PARD3B: variants seen among roughly 807,000 people sequenced by gnomAD.
The protein encoded by PARD3B is par-3 family cell polarity regulator beta, also known as partitioning defective 3 homolog B.
In PARD3B, 103 loss-of-function variants were observed where a neutral mutation model predicts 130.2. That is an observed-to-expected ratio of 0.79 (90% confidence interval 0.67 to 0.93). PARD3B has a LOEUF of 0.93. Among genes scored for constraint, PARD3B ranks in the 40% least tolerant of loss-of-function variants. PARD3B has a pLI of 0.00. For missense variants in PARD3B, 1,609 were observed against 1,499.2 expected (o/e 1.07, Z -1.21); for synonymous variants, 583 against 553.2 (o/e 1.05, Z -0.76).
intron 2 of PARD3B, among the ~76,000 whole-genome samples, chr2:204,946,143 A>G (rs1689304801): frequency 6.6e-6 from 1 of 152,160 alleles, no homozygotes; most frequent in African/African-American, 2.4e-5. Flanking sequence ...TACAATATTT[A>G]TATTGACTTG....
At chr2:205,112,439 C>T (rs1703710465) in intron 5 of PARD3B, among the ~76,000 whole-genome samples, 1 of 152,068 alleles carries the variant, frequency 6.6e-6, no homozygotes, top group Non-Finnish European at 1.5e-5. Flanking sequence ...AACTTTCCAG[C>T]AAGAAGTCAA....
At chr2:204,998,387 T>C (rs1403714311) in intron 3 of PARD3B, among the ~76,000 whole-genome samples, 3 of 81,180 alleles carry the variant, frequency 3.7e-5, no homozygotes, top group Admixed American at 3.6e-4. Flanking sequence ...TATATGTGTG[T>C]GTATATATGT....
chr2:205,203,979 G>T (rs11900263), intron 15 of PARD3B, among the ~76,000 whole-genome samples: 33,021 of 152,112 alleles, frequency 0.22, 3,828 homozygotes, highest in African/African-American at 0.3. Flanking sequence ...GTAATGGGAT[G>T]GCTGGGTCAA....
In PARD3B at chr2:205,589,124, C is replaced by CA. The variant is rs2054296351; in HGVS notation, c.3261-26326dup. On this transcript the variant is annotated intron_variant, in intron 22 of 22. Coordinates refer to ENST00000406610, the MANE Select transcript of PARD3B (RefSeq NM_001302769.2). The surrounding 1 kb of genome is among the most constrained non-coding windows in gnomAD (Gnocchi z 4.1). ...GTAACATGGCAAAACCCCATTTCTA[C>CA]AAAAAATACAGATATTAACTGAGCA... 1.3e-5 allele frequency among the ~76,000 whole-genome samples: 2 copies of CA among 152,130 alleles called. No homozygotes were observed. Among genetic ancestry groups the CA allele is most frequent in the Non-Finnish European group, 1.5e-5 (1 of 68,018 alleles).
chr2:205,022,529 A>G (rs1382515986), intron 3 of PARD3B, among the ~76,000 whole-genome samples: 1 of 152,156 alleles, frequency 6.6e-6, no homozygotes, highest in African/African-American at 2.4e-5. Flanking sequence ...CTGTTTAGCA[A>G]ATAATTTGTC....
In PARD3B at chr2:205,553,343, A is replaced by G; in HGVS notation, c.3200A>G (p.Asp1067Gly). ...CCACAGGTGCCTGGAAGGGGTCCAGATGGGAATGCACACAACCTCCGCTTT... is the reference window on the plus strand; with the variant it reads ...CCACAGGTGCCTGGAAGGGGTCCAGGTGGGAATGCACACAACCTCCGCTTT... ...DLLWVPGRGP[D>G]GNAHNLRFEG... The change falls in exon 22 of 23, where the codon GAT (aspartate) becomes GGT (glycine). Residue 1067 changes from aspartate to glycine, a missense_variant. Transcript: ENST00000406610. 6.2e-7 allele frequency: 1 copy of G among 1,614,032 alleles called. No individual in the cohort carries two copies. Among genetic ancestry groups the G allele is most frequent in the African/African-American group, 1.3e-5 (1 of 75,048 alleles).
chr2:205,428,361 C>T (rs2047216522), intron 19 of PARD3B, among the ~76,000 whole-genome samples: 1 of 152,078 alleles, frequency 6.6e-6, no homozygotes, highest in African/African-American at 2.4e-5. Context: ...GCCTGGGCAA[C>T]AGAACCAGAC....
chr2:204,970,922 G>A (rs1691646889), intron 3 of PARD3B, among the ~76,000 whole-genome samples: 1 of 152,106 alleles, frequency 6.6e-6, no homozygotes, highest in Non-Finnish European at 1.5e-5. Context: ...AAGCTGAAAG[G>A]TGCCTCAGAT....
intron 21 of PARD3B, among the ~76,000 whole-genome samples, chr2:205,523,217 GTGTGTGTGTATA>G (rs941270260): frequency 6.8e-5 from 4 of 58,542 alleles, no homozygotes; most frequent in Non-Finnish European, 1.1e-4. Context: ...ATATGTGTGT[GTGTGTGTGTATA>G]TATATATATA....
rs1575385734 is a variant in PARD3B, at chr2:205,568,415, T to C, written c.3260+15012T>C. On this transcript the variant is annotated intron_variant, in intron 22 of 22. Transcript: ENST00000406610. This position sits in a 1 kb window ranked among gnomAD's most constrained non-coding sequence, Gnocchi z 5.3. ...AGTTTCTCTTTGTTTCACTCAAATA[T>C]GCAATACATCAAAATGATGTAAGGT... Among the ~76,000 whole-genome samples the C allele has an allele frequency of 6.6e-6, 1 of 152,212 alleles. No homozygotes were observed. The highest frequency in any genetic ancestry group is 1.9e-4 in the East Asian group (1 of 5,200).
intron 2 of PARD3B, among the ~76,000 whole-genome samples, chr2:204,716,585 GT>G (rs2038737390): frequency 7.3e-6 from 1 of 136,916 alleles, no homozygotes; most frequent in African/African-American, 2.8e-5. Flanking sequence ...AGCAGTTGCT[GT>G]TTTTGCTATT....
rs2035249183 is a variant in PARD3B at position 205,172,798 on chromosome 2, A to G, written c.1791+417A>G. Reference sequence around the variant, plus strand: ...CATAATCTGCATATAAATAATGCAGACCTGAGACTTAACTAATTTAACATT... The same window carrying G: ...CATAATCTGCATATAAATAATGCAGGCCTGAGACTTAACTAATTTAACATT... On this transcript the variant is annotated intron_variant, in intron 12 of 22. Transcript: ENST00000406610. 2.0e-5 allele frequency among the ~76,000 whole-genome samples: 3 copies of G among 152,322 alleles called. No homozygotes were observed. The South Asian group carries it at 6.2e-4, about 32-fold the overall frequency.
At chr2:205,438,980 A>C (rs1169361976) in intron 19 of PARD3B, among the ~76,000 whole-genome samples, 1 of 152,086 alleles carries the variant, frequency 6.6e-6, no homozygotes, top group African/African-American at 2.4e-5. Flanking sequence ...TTTGCTTCCC[A>C]ATTGAAATTG....
At chr2:205,374,557 TC>T (rs1481947180) in intron 18 of PARD3B, among the ~76,000 whole-genome samples, 2 of 152,176 alleles carry the variant, frequency 1.3e-5, no homozygotes, top group Non-Finnish European at 2.9e-5. Flanking sequence ...TTTATATATT[TC>T]TTTCAGTCTT....
At chr2:205,488,778 G>T (rs878937251) in intron 20 of PARD3B, among the ~76,000 whole-genome samples, 1 of 152,108 alleles carries the variant, frequency 6.6e-6, no homozygotes, top group African/African-American at 2.4e-5. Flanking sequence ...ACATATGTTC[G>T]TTAAATGGAA....
At chr2:204,789,266 G>A (rs1343564064) in intron 2 of PARD3B, among the ~76,000 whole-genome samples, 2 of 152,026 alleles carry the variant, frequency 1.3e-5, no homozygotes, top group African/African-American at 4.8e-5. Flanking sequence ...GTCTCATTTG[G>A]TCTCGAAATC....
chr2:205,088,651 A>G (rs1701890970), intron 4 of PARD3B, among the ~76,000 whole-genome samples: 1 of 152,156 alleles, frequency 6.6e-6, no homozygotes, highest in Non-Finnish European at 1.5e-5. Context: ...TAATGAAGAG[A>G]GTTACTGACT....
intron 3 of PARD3B, among the ~76,000 whole-genome samples, chr2:204,981,060 G>T (rs1029931663): frequency 4.6e-5 from 7 of 152,012 alleles, no homozygotes; most frequent in East Asian, 1.9e-4. Flanking sequence ...TTAATACAAG[G>T]CCACTATAAA....
rs2053211416 is a variant in PARD3B, at chr2:205,563,506, G to A, written c.3260+10103G>A. Among the ~76,000 whole-genome samples, 1 of 152,086 alleles carries A rather than the reference G, an allele frequency of 6.6e-6. No individual in the cohort carries two copies. The highest frequency in any genetic ancestry group is 2.4e-5 in the African/African-American group (1 of 41,416). On this transcript the variant is annotated intron_variant, in intron 22 of 22. Coordinates refer to ENST00000406610, the MANE Select transcript of PARD3B (RefSeq NM_001302769.2). The surrounding 1 kb of genome is among the most constrained non-coding windows in gnomAD (Gnocchi z 4.2). Reference sequence around the variant, plus strand: ...AACATTGGCAAGTCAAGGAGAGGTTGGAATGCTTACATCATCTGTTTTCAT... The same window carrying A: ...AACATTGGCAAGTCAAGGAGAGGTTAGAATGCTTACATCATCTGTTTTCAT...
Sources: allele counts gnomAD v4.1 joint callset (sites outside exome capture counted in the v4.1 genomes callset), GRCh38; gene constraint gnomAD v4.1.1; non-coding constraint Gnocchi (gnomAD v3.1); transcripts MANE v1.5; gene names NCBI Gene and HGNC (gene_info 2026-07-23, HGNC 2026-07-21).